Variants in STX8 observed in about 807,000 individuals in gnomAD.
The protein encoded by STX8 is syntaxin 8.
Under a neutral mutation model 37.5 loss-of-function variants are expected in STX8, and 23 were observed. The observed-to-expected ratio is 0.61, with a 90% confidence interval of 0.44 to 0.87. The LOEUF (loss-of-function observed/expected upper bound fraction) is 0.87, where lower values mean the gene tolerates loss of function less well. Among genes scored for constraint, STX8 ranks in the 40% least tolerant of loss-of-function variants. The probability of loss-of-function intolerance (pLI) is 0.00; values close to 1 mark genes in which losing one functional copy is unlikely to be tolerated. For synonymous variants in STX8, 115 were observed against 99.1 expected, an observed-to-expected ratio of 1.16 and a Z score of -0.95; for missense variants, 313 against 284.7, an observed-to-expected ratio of 1.10 and a Z score of -0.71.
rs1453617381 is a variant in STX8 at position 9,505,238 on chromosome 17, G to T, written c.324-76C>A. 18 of 1,527,866 alleles carry T rather than the reference G, an allele frequency of 1.2e-5. No homozygotes were observed. In the South Asian group the frequency reaches 2.1e-4, roughly 18 times the overall value. The allele number at this position is 1,527,866 out of a possible 1,614,324, so 94.6% of individuals were successfully genotyped here. Reference sequence around the variant, plus strand: ...TGCAAATTACTCCCACAAGTGCAGAGGTGGCCAGCCTTGAATGCTTTGAAA... The same window carrying T: ...TGCAAATTACTCCCACAAGTGCAGATGTGGCCAGCCTTGAATGCTTTGAAA... On this transcript the variant is annotated intron_variant, in intron 4 of 7. Coordinates refer to ENST00000306357, the MANE Select transcript of STX8 (RefSeq NM_004853.3).
At chr17:9,293,517 T>G (rs1908396715) in intron 7 of STX8, among the ~76,000 whole-genome samples, 3 of 151,894 alleles carry the variant, frequency 2.0e-5, no homozygotes, top group Admixed American at 2.0e-4. Flanking sequence ...ATGAGGTAGC[T>G]ATGAAGAATT....
At chr17:9,319,927 G>A (rs1372090866) in intron 7 of STX8, among the ~76,000 whole-genome samples, 1 of 151,752 alleles carries the variant, frequency 6.6e-6, no homozygotes, top group Non-Finnish European at 1.5e-5. Flanking sequence ...TCTAGCCTGG[G>A]CAACATAGTG....
At chr17:9,408,189 A>G (rs1912861418) in intron 6 of STX8, among the ~76,000 whole-genome samples, 1 of 152,192 alleles carries the variant, frequency 6.6e-6, no homozygotes, top group Admixed American at 6.5e-5. Flanking sequence ...TTTGGGCAAG[A>G]TAAAAAAATC....
chr17:9,390,533 A>G (rs2142302524), intron 6 of STX8, among the ~76,000 whole-genome samples: 1 of 150,184 alleles, frequency 6.7e-6, no homozygotes, highest in African/African-American at 2.5e-5. Flanking sequence ...AAAAAAAAAA[A>G]AAGTGTAACA....
intron 7 of STX8, among the ~76,000 whole-genome samples, chr17:9,292,785 C>A (rs1714257522): frequency 6.6e-6 from 1 of 152,196 alleles, no homozygotes; most frequent in South Asian, 2.1e-4. Flanking sequence ...GCCAACAAGT[C>A]TTCCCCTCGC....
At chr17:9,355,588 C>T (rs372724931) in intron 7 of STX8, among the ~76,000 whole-genome samples, 2 of 151,534 alleles carry the variant, frequency 1.3e-5, no homozygotes, top group African/African-American at 2.4e-5. Flanking sequence ...CTGCAACCTC[C>T]GCCTCCCGAG....
intron 3 of STX8, among the ~76,000 whole-genome samples, chr17:9,556,216 A>C (rs1906958821): frequency 6.6e-6 from 1 of 152,096 alleles, no homozygotes; most frequent in South Asian, 2.1e-4. Context: ...CCATTTTTTT[A>C]TCTAAAAAGC....
intron 7 of STX8, among the ~76,000 whole-genome samples, chr17:9,325,932 G>A (rs1443321293): frequency 1.3e-5 from 2 of 152,204 alleles, no homozygotes; most frequent in Non-Finnish European, 2.9e-5. Context: ...GATGGCAGCA[G>A]TGGCATCAAT....
intron 6 of STX8, among the ~76,000 whole-genome samples, chr17:9,382,546 A>G (rs531991499): frequency 6.6e-6 from 1 of 152,304 alleles, no homozygotes; most frequent in African/African-American, 2.4e-5. Context: ...CTCGTCATTT[A>G]CATTAGGTAT....
At chr17:9,347,986 T>C (rs1260467674) in intron 7 of STX8, among the ~76,000 whole-genome samples, 2 of 152,202 alleles carry the variant, frequency 1.3e-5, no homozygotes, top group African/African-American at 4.8e-5. Flanking sequence ...TTTTTTGTGG[T>C]TGAGTAATAT....
chr17:9,500,374 G>A (rs1471772775), intron 5 of STX8, among the ~76,000 whole-genome samples: 2 of 152,184 alleles, frequency 1.3e-5, no homozygotes, highest in Non-Finnish European at 2.9e-5. Flanking sequence ...AATGAGGTGA[G>A]TTCTAAGACT....
intron 6 of STX8, among the ~76,000 whole-genome samples, chr17:9,474,157 T>C (rs752499560): frequency 6.6e-6 from 1 of 151,754 alleles, no homozygotes; most frequent in African/African-American, 2.4e-5. Flanking sequence ...GAGAGGGTGA[T>C]ACATGGAGAG....
At chr17:9,478,853 T>G (rs1906203427) in intron 6 of STX8, among the ~76,000 whole-genome samples, 1 of 152,196 alleles carries the variant, frequency 6.6e-6, no homozygotes, top group African/African-American at 2.4e-5. Context: ...ACTGGCCACC[T>G]CCTCATCAGC....
intron 7 of STX8, among the ~76,000 whole-genome samples, chr17:9,272,520 A>G (rs983657679): frequency 6.6e-6 from 1 of 152,200 alleles, no homozygotes; most frequent in Non-Finnish European, 1.5e-5. Context: ...AAGGTGCAAA[A>G]TAAGTCACAA....
chr17:9,382,998 G>C (rs563411816), intron 6 of STX8, among the ~76,000 whole-genome samples: 1 of 152,270 alleles, frequency 6.6e-6, no homozygotes, highest in Admixed American at 6.5e-5. Context: ...ATGAATGAAC[G>C]AATCCTGTTC....
chr17:9,378,559 G>A lies in STX8; in HGVS notation c.636C>T (p.Ala212=), dbSNP rs1429420192. 2.2e-5 allele frequency: 35 copies of A among 1,613,276 alleles called. No homozygotes were observed. Among genetic ancestry groups the A allele is most frequent in the Non-Finnish European group, 2.4e-5 (28 of 1,179,450 alleles). ...RRVNMVDRKS[A]SCGMIMVILL... is the part of the protein sequence containing the mutation. ...AACGTAGCTATCTCTTACCACAAGA[G>A]GCTGACTTTCTGTCCACCATGTTTA... The change falls in exon 7 of 8, where the codon GCC becomes GCT. Residue 212 remains alanine (A), a synonymous_variant. Transcript: ENST00000306357.
chr17:9,430,249 C>A (rs1913909575), intron 6 of STX8, among the ~76,000 whole-genome samples: 1 of 114,366 alleles, frequency 8.7e-6, no homozygotes, highest in Admixed American at 1.0e-4. Context: ...AACAATTTGC[C>A]ATTTTAAAGT....
chr17:9,301,318 C>T (rs1046915171), intron 7 of STX8, among the ~76,000 whole-genome samples: 4 of 151,924 alleles, frequency 2.6e-5, no homozygotes, highest in Non-Finnish European at 5.9e-5. Flanking sequence ...CTATTAAATG[C>T]CTTTTTAGTA....
At chr17:9,520,473 T>G (rs1015640954) in intron 4 of STX8, among the ~76,000 whole-genome samples, 1 of 152,228 alleles carries the variant, frequency 6.6e-6, no homozygotes, top group Non-Finnish European at 1.5e-5. Context: ...AGACTTGAAT[T>G]TTTTTAATAA....
Sources: gnomAD v4.1 joint callset for allele counts (sites outside exome capture counted in the v4.1 genomes callset) on GRCh38, gnomAD v4.1.1 for gene constraint, MANE v1.5 for transcripts, NCBI Gene and HGNC (gene_info 2026-07-23, HGNC 2026-07-21) for gene names.